The following PDE1A variants were observed in gnomAD, a reference collection of about 807,000 sequenced individuals.
The protein encoded by PDE1A is phosphodiesterase 1A.
Under a neutral mutation model 61.7 loss-of-function variants are expected in PDE1A, and 35 were observed. The observed-to-expected ratio is 0.57, with a 90% CI of 0.43 to 0.75. The LOEUF is 0.75. Among genes scored for constraint, PDE1A ranks in the 30% least tolerant of loss-of-function variants. The pLI, the probability that PDE1A is intolerant of heterozygous loss-of-function variation, is 0.00. For synonymous variants in PDE1A, 232 were observed against 213.2 expected, an observed-to-expected ratio of 1.09 and a Z score of -0.77; for missense variants, 597 against 630.6, an observed-to-expected ratio of 0.95 and a Z score of 0.57.
chr2:182,271,361 T>A (rs952551396), intron 1 of PDE1A, among the ~76,000 whole-genome samples: 5 of 152,040 alleles, frequency 3.3e-5, no homozygotes, highest in African/African-American at 1.2e-4. Context: ...CAGTCTACAT[T>A]TAAAGGAGCA....
chr2:182,341,656 C>A (rs980989351), intron 1 of PDE1A, among the ~76,000 whole-genome samples: 3 of 152,214 alleles, frequency 2.0e-5, no homozygotes, highest in Admixed American at 6.5e-5. Context: ...TGTAACTTCA[C>A]TGAGTGAGCA....
intron 1 of PDE1A, among the ~76,000 whole-genome samples, chr2:182,354,417 T>C (rs183623150): frequency 4.7e-4 from 71 of 152,312 alleles, no homozygotes; most frequent in Non-Finnish European, 9.0e-4. Flanking sequence ...GCCAGTTTTA[T>C]TCACAGGAAA....
In PDE1A at chr2:182,297,218, T is replaced by C. The variant is rs111919848; in HGVS notation, c.54-32804A>G. On this transcript the variant is annotated intron_variant, in intron 1 of 13. Coordinates refer to ENST00000351439, the Ensembl canonical transcript of PDE1A. ...AAGTAATTTTTGGCAGTTACAGGGT[T>C]ATAAAAACTGTTACTTATTACACAA... 1.5e-3 allele frequency among the ~76,000 whole-genome samples: 235 copies of C among 152,300 alleles called. 1 individual carries two copies. The highest frequency in any genetic ancestry group is 5.3e-3 in the African/African-American group (222 of 41,566).
intron 2 of PDE1A, among the ~76,000 whole-genome samples, chr2:182,477,067 C>CA (rs1316665111): frequency 1.3e-5 from 2 of 151,718 alleles, no homozygotes; most frequent in African/African-American, 2.4e-5. Context: ...GCTATGACAT[C>CA]AAAAAACAAA....
chr2:182,269,112 C>T (rs1054016738), intron 1 of PDE1A, among the ~76,000 whole-genome samples: 1 of 152,042 alleles, frequency 6.6e-6, no homozygotes, highest in South Asian at 2.1e-4. Context: ...AATTCAATAA[C>T]TTAGATAAAA....
chr2:182,366,522 A>G (rs1699845515), intron 1 of PDE1A, among the ~76,000 whole-genome samples: 1 of 152,074 alleles, frequency 6.6e-6, no homozygotes, highest in Admixed American at 6.6e-5. Context: ...CATTAATTTA[A>G]TAACCTATTG....
At chr2:182,407,317 T>C (rs1308687717) in intron 1 of PDE1A, among the ~76,000 whole-genome samples, 1 of 111,274 alleles carries the variant, frequency 9.0e-6, no homozygotes, top group Non-Finnish European at 1.9e-5. Context: ...AAGTTTATAA[T>C]TGTTCAGGAT....
chr2:182,143,766 C>T (rs548783757), downstream of PDE1A, among the ~76,000 whole-genome samples: 5 of 152,302 alleles, frequency 3.3e-5, no homozygotes, highest in East Asian at 1.9e-4. Flanking sequence ...CCACCCACCT[C>T]GGCCTACCAA....
In PDE1A at chr2:182,258,151, G is replaced by A. The variant is rs118123668; in HGVS notation, c.167+6150C>T. Among the ~76,000 whole-genome samples, 388 of 151,454 alleles carry A rather than the reference G, an allele frequency of 2.6e-3. 4 individuals carry two copies. The highest frequency in any genetic ancestry group is 0.025 in the East Asian group (126 of 5,130). ...CCACTGCACTCCAGCCTAGGCGACA[G>A]TATGAGACTCCATCTCGAAAAAAAA... On this transcript the variant is annotated intron_variant, in intron 2 of 13. Transcript: ENST00000351439.
chr2:182,423,444 C>T lies in PDE1A; in HGVS notation c.53+3134G>A, dbSNP rs557222621. 5.9e-5 allele frequency among the ~76,000 whole-genome samples: 9 copies of T among 152,238 alleles called. No homozygotes were observed. In the South Asian group the frequency reaches 1.2e-3, roughly 21 times the overall value. On this transcript the variant is annotated intron_variant, in intron 1 of 13. Transcript: ENST00000351439. ...ATCGTAGCCAGCTACAAAATTTCAACGTTCACCATCTACTCCAAAACCTCT... is the reference window on the plus strand; with the variant it reads ...ATCGTAGCCAGCTACAAAATTTCAATGTTCACCATCTACTCCAAAACCTCT...
At chr2:182,360,160 G>A (rs1345853127) in intron 1 of PDE1A, among the ~76,000 whole-genome samples, 1 of 152,046 alleles carries the variant, frequency 6.6e-6, no homozygotes, top group East Asian at 1.9e-4. Context: ...ACATAGATAC[G>A]ACTTCTGGAG....
intron 1 of PDE1A, among the ~76,000 whole-genome samples, chr2:182,286,999 G>A (rs1694209333): frequency 6.6e-6 from 1 of 151,930 alleles, no homozygotes; most frequent in Admixed American, 6.6e-5. Flanking sequence ...TCTTTCAGTA[G>A]GGCATTGACT....
intron 2 of PDE1A, among the ~76,000 whole-genome samples, chr2:182,264,047 ATTT>A (rs1026760503): frequency 6.6e-6 from 1 of 151,620 alleles, no homozygotes; most frequent in African/African-American, 2.4e-5. Flanking sequence ...GGAAGAGGAG[ATTT>A]TTTTTTCACT....
chr2:182,419,834 G>A (rs1703162249), intron 1 of PDE1A, among the ~76,000 whole-genome samples: 1 of 152,050 alleles, frequency 6.6e-6, no homozygotes, highest in Non-Finnish European at 1.5e-5. Flanking sequence ...TACAATACCA[G>A]TGTGGTCCCT....
chr2:182,576,328 T>C, the PDE1A span, among the ~76,000 whole-genome samples: 1 of 152,192 alleles, frequency 6.6e-6, no homozygotes, highest in African/African-American at 2.4e-5. Flanking sequence ...TTTGTCTTTT[T>C]ATGACTGCTT....
At chr2:182,627,077 T>TAAAATATAAATAATATATTTATATATAA in the PDE1A span, among the ~76,000 whole-genome samples, 1 of 21,282 alleles carries the variant, frequency 4.7e-5, no homozygotes, top group Non-Finnish European at 9.6e-5. Context: ...TATTTATATA[T>TAAAATATAAATAATATATTTATATATAA]AATATAAATG....
chr2:182,385,954 T>C (rs553201114), intron 1 of PDE1A, among the ~76,000 whole-genome samples: 1 of 152,176 alleles, frequency 6.6e-6, no homozygotes, highest in East Asian at 2.0e-4. Context: ...CACTGCAACC[T>C]CCCTGCCTGA....
Position 182,456,769 on chromosome 2 carries a change from A to G in PDE1A, c.101+65507T>C, listed in dbSNP as rs150149535. Among the ~76,000 whole-genome samples, 3 of 152,254 alleles carry G rather than the reference A, an allele frequency of 2.0e-5. No homozygotes were observed. In the East Asian group the frequency reaches 5.8e-4, roughly 29 times the overall value. On this transcript the variant is annotated intron_variant, in intron 2 of 14. Transcript: ENST00000410103. Reference sequence around the variant, plus strand: ...ATGTACAATAGTAGCACTCCTGGAAAATCAGTGTATACTACAACTGCCAAA... The same window carrying G: ...ATGTACAATAGTAGCACTCCTGGAAGATCAGTGTATACTACAACTGCCAAA...
chr2:182,155,838 C>CAA (rs1691050188), intron 13 of PDE1A, among the ~76,000 whole-genome samples: 1 of 152,148 alleles, frequency 6.6e-6, no homozygotes, highest in African/African-American at 2.4e-5. Flanking sequence ...TTGCAGTGAG[C>CAA]CGAGATTGCA....
Sources: gnomAD v4.1 joint callset for allele counts (sites outside exome capture counted in the v4.1 genomes callset) on GRCh38, gnomAD v4.1.1 for gene constraint, MANE v1.5 for transcripts, NCBI Gene and HGNC (gene_info 2026-07-23, HGNC 2026-07-21) for gene names.